Variants in MAGI2 observed in about 807,000 individuals in gnomAD.
MAGI2 encodes the protein membrane-associated guanylate kinase, WW and PDZ domain-containing protein 2.
In MAGI2, 35 loss-of-function variants were observed where a neutral mutation model predicts 133.3. The observed-to-expected ratio is 0.26, with a 90% CI of 0.20 to 0.35. MAGI2 has a LOEUF of 0.35. MAGI2 is among the 10% of genes least tolerant of loss of function. The pLI is 1.00. For synonymous variants in MAGI2, 729 were observed against 710.6 expected, an observed-to-expected ratio of 1.03 and a Z score of -0.41; for missense variants, 1,636 against 1,863.4, an observed-to-expected ratio of 0.88 and a Z score of 2.25.
At chr7:79,141,936 A>G (rs755448026) in intron 1 of MAGI2, among the ~76,000 whole-genome samples, 49 of 152,314 alleles carry the variant, frequency 3.2e-4, no homozygotes, top group Non-Finnish European at 6.2e-4. Context: ...ATGTAGACTA[A>G]TATTAGTCTT....
intron 20 of MAGI2, among the ~76,000 whole-genome samples, chr7:78,114,791 G>A (rs1239339859): frequency 1.3e-5 from 2 of 152,184 alleles, no homozygotes; most frequent in African/African-American, 4.8e-5. Flanking sequence ...ACTCATTAGT[G>A]ACTTTGTGGA....
chr7:78,655,301 A>G (rs1812058065), intron 2 of MAGI2, among the ~76,000 whole-genome samples: 1 of 151,848 alleles, frequency 6.6e-6, no homozygotes, highest in Admixed American at 6.6e-5. Context: ...AATATGATCT[A>G]CCTCAGCATG....
chr7:79,205,265 A>G (rs552874380), intron 1 of MAGI2, among the ~76,000 whole-genome samples: 2 of 152,116 alleles, frequency 1.3e-5, no homozygotes, highest in African/African-American at 2.4e-5. Context: ...GAGAGTCCCA[A>G]TAGAGACAGC....
chr7:78,899,234 A>G (rs1351400608), intron 2 of MAGI2, among the ~76,000 whole-genome samples: 1 of 152,220 alleles, frequency 6.6e-6, no homozygotes, highest in Non-Finnish European at 1.5e-5. Context: ...TTGAAAGGAA[A>G]AAATGTCACC....
chr7:78,105,151 A>G (rs1296946265), intron 20 of MAGI2, among the ~76,000 whole-genome samples: 1 of 152,070 alleles, frequency 6.6e-6, no homozygotes. Context: ...TTAGCTCAAC[A>G]TTGTGAAATT....
intron 6 of MAGI2, among the ~76,000 whole-genome samples, chr7:78,388,830 AT>A (rs1300854216): frequency 6.6e-6 from 1 of 152,204 alleles, no homozygotes; most frequent in African/African-American, 2.4e-5. Context: ...CAAGACAATT[AT>A]TTCATTAGTT....
chr7:79,284,488 T>C (rs1314740024), intron 1 of MAGI2, among the ~76,000 whole-genome samples: 6 of 152,144 alleles, frequency 3.9e-5, no homozygotes, highest in Non-Finnish European at 5.9e-5. Context: ...TGCTGGCCTC[T>C]TCCAATTTTT....
chr7:78,625,594 G>A (rs1007807792), intron 3 of MAGI2, among the ~76,000 whole-genome samples: 11 of 152,094 alleles, frequency 7.2e-5, no homozygotes, highest in African/African-American at 2.4e-4. Context: ...GTCTACAGTA[G>A]TATATAGTAA....
chr7:79,006,836 T>C (rs1807499292), intron 2 of MAGI2: 2 of 358,696 alleles, frequency 5.6e-6, no homozygotes, highest in African/African-American at 2.1e-5. Flanking sequence ...TATTTCTCAA[T>C]ACTAACTTCA....
At chr7:78,619,695 T>C (rs1351194215) in intron 3 of MAGI2, among the ~76,000 whole-genome samples, 1 of 151,954 alleles carries the variant, frequency 6.6e-6, no homozygotes, top group Non-Finnish European at 1.5e-5. Flanking sequence ...GACACTTCCA[T>C]TCTTAGTGCC....
intron 16 of MAGI2, among the ~76,000 whole-genome samples, chr7:78,151,355 T>A (rs1823852226): frequency 6.6e-6 from 1 of 152,016 alleles, no homozygotes; most frequent in African/African-American, 2.4e-5. Flanking sequence ...TTCTAAGGAG[T>A]CTGGGATGCC....
intron 2 of MAGI2, among the ~76,000 whole-genome samples, chr7:78,783,732 A>G (rs1323186802): frequency 6.6e-6 from 1 of 152,158 alleles, no homozygotes; most frequent in Non-Finnish European, 1.5e-5. Flanking sequence ...ACCAGTGCTG[A>G]GTTCCTGACC....
chr7:79,363,598 A>C (rs1842501922), intron 1 of MAGI2, among the ~76,000 whole-genome samples: 1 of 151,592 alleles, frequency 6.6e-6, no homozygotes, highest in South Asian at 2.1e-4. Flanking sequence ...TGAAACTATA[A>C]AATTGCTAGA....
chr7:78,493,601 C>T (rs1793817098), intron 5 of MAGI2, among the ~76,000 whole-genome samples: 1 of 151,238 alleles, frequency 6.6e-6, no homozygotes, highest in Non-Finnish European at 1.5e-5. Context: ...AGCATTAAAC[C>T]CAGATATATC....
intron 1 of MAGI2, among the ~76,000 whole-genome samples, chr7:79,111,648 C>T (rs1818931665): frequency 6.6e-6 from 1 of 151,824 alleles, no homozygotes; most frequent in East Asian, 1.9e-4. Flanking sequence ...CACAGTTGTC[C>T]AAATAGAGAC....
At chr7:78,950,207 G>C (rs1295808144) in intron 2 of MAGI2, among the ~76,000 whole-genome samples, 1 of 151,986 alleles carries the variant, frequency 6.6e-6, no homozygotes, top group East Asian at 1.9e-4. Context: ...TAATACATTT[G>C]TTGTAAGTTT....
In MAGI2 at chr7:78,999,186, G is replaced by A. The variant is rs535908174; in HGVS notation, c.418+7904C>T. ...AAGGAAAGAGAAATACAAACTAAGA[G>A]GGAAAAAACAAAGGAAAGATTGTGT... On this transcript the variant is annotated intron_variant, in intron 2 of 21. Coordinates refer to ENST00000354212, the MANE Select transcript of MAGI2 (RefSeq NM_012301.4). 3.3e-5 allele frequency among the ~76,000 whole-genome samples: 5 copies of A among 152,072 alleles called. No homozygotes were observed. In the South Asian group the frequency reaches 8.3e-4, roughly 25 times the overall value.
chr7:79,126,213 G>T (rs1224259104), intron 1 of MAGI2, among the ~76,000 whole-genome samples: 1 of 152,146 alleles, frequency 6.6e-6, no homozygotes, highest in Non-Finnish European at 1.5e-5. Flanking sequence ...ACTGATCACA[G>T]AGCTCTCCAC....
chr7:79,313,802 CTTTT>C (rs34753875), intron 1 of MAGI2, among the ~76,000 whole-genome samples: 18 of 138,630 alleles, frequency 1.3e-4, no homozygotes, highest in Admixed American at 2.9e-4. Flanking sequence ...ATTTAATTTA[CTTTT>C]TTTTTTTTTT....
Sources: allele counts gnomAD v4.1 joint callset (sites outside exome capture counted in the v4.1 genomes callset), GRCh38; gene constraint gnomAD v4.1.1; transcripts MANE v1.5; gene names NCBI Gene and HGNC (gene_info 2026-07-23, HGNC 2026-07-21).